The following FAM83F variants were observed in gnomAD, a reference collection of about 807,000 sequenced individuals.
The protein encoded by FAM83F is scaffolding CK1 anchoring protein F.
FAM83F carries 45 observed loss-of-function variants against 42.9 expected under a neutral mutation model. The ratio of observed to expected loss-of-function variants is 1.05; its 90% CI spans 0.83 to 1.35. The LOEUF is 1.35. FAM83F is among the 40% of genes most tolerant of loss of function. FAM83F has a pLI of 0.00. For synonymous variants in FAM83F, 306 were observed against 298.3 expected (o/e 1.03, Z -0.27); for missense variants, 617 against 695.9 (o/e 0.89, Z 1.28).
intron 1 of FAM83F, among the ~76,000 whole-genome samples, chr22:40,001,843 G>A (rs951148788): frequency 1.1e-4 from 17 of 152,178 alleles, no homozygotes; most frequent in African/African-American, 4.1e-4. Context: ...AGAAGTTAGG[G>A]AGCCCCACCC....
In FAM83F at chr22:40,032,601, C is replaced by T. The variant is rs1601775719; in HGVS notation, c.*3036C>T. On this transcript the variant is annotated 3_prime_UTR_variant, in exon 5 of 5. Transcript: ENST00000333407. Reference sequence around the variant, plus strand: ...TTTTTTTTCTGAGACAGAGTCTCACCCTGTTGCCCAGGCTGGAGTGCAGTG... The same window carrying T: ...TTTTTTTTCTGAGACAGAGTCTCACTCTGTTGCCCAGGCTGGAGTGCAGTG... 1 of 151,476 alleles carries T rather than the reference C, an allele frequency of 6.6e-6. No individual in the cohort carries two copies. The highest frequency in any genetic ancestry group is 1.9e-4 in the East Asian group (1 of 5,168). 9.4% of individuals were successfully genotyped at this position (151,476 alleles called of 1,614,324 possible).
rs1601759407 is a variant in FAM83F, at chr22:39,995,474, C to G, written c.432C>G (p.Asp144Glu). The G allele has an allele frequency of 6.3e-7, 1 of 1,577,466 alleles. No individual in the cohort carries two copies. Among genetic ancestry groups the G allele is most frequent in the East Asian group, 2.3e-5 (1 of 42,666 alleles). The stretch of plus-strand genomic sequence containing the variant: ...CGCTCTTCACCCACCCGCCCAAGGA[C>G]GAGAAGGCGCCGCACCTCAAGCAGG... ...RVTLFTHPPK[D>E]EKAPHLKQVV... The change falls in exon 1 of 5, where the codon GAC becomes GAG. Residue 144 changes from aspartate (D) to glutamate (E), a missense_variant. Physicochemically the swap from Asp to Glu is conservative, Grantham distance 45. Transcript: ENST00000333407. This position sits in a 1 kb window ranked among gnomAD's most constrained non-coding sequence, Gnocchi z 4.6.
In FAM83F at chr22:40,030,779, C is replaced by G. The variant is rs2067582500; in HGVS notation, c.*1214C>G. The stretch of plus-strand genomic sequence containing the variant: ...CCTGCCGGCAGGGCGATGGGGGATC[C>G]AAGCCCTGTGGAAGAGCCATGCAGC... On this transcript the variant is annotated 3_prime_UTR_variant, in exon 5 of 5. Coordinates refer to ENST00000333407, the MANE Select transcript of FAM83F (RefSeq NM_138435.4). 1 of 152,352 alleles carries G rather than the reference C, an allele frequency of 6.6e-6. No homozygotes were observed. The highest frequency in any genetic ancestry group is 1.5e-5 in the Non-Finnish European group (1 of 68,150). 9.4% of individuals were successfully genotyped at this position (152,352 alleles called of 1,614,324 possible). A position where few individuals can be genotyped will look rare whatever the true frequency, so the allele number is the denominator to read the frequency against.
At chr22:40,018,869 G>C (rs765161289) in intron 1 of FAM83F, among the ~76,000 whole-genome samples, 2 of 152,174 alleles carry the variant, frequency 1.3e-5, no homozygotes, top group African/African-American at 2.4e-5. Context: ...GATTACAGGT[G>C]TGAGCCACCT....
In FAM83F at chr22:40,041,788, G is replaced by T. The variant is rs1014058847; in HGVS notation, c.*12223G>T. The T allele has an allele frequency of 6.6e-6, 1 of 152,008 alleles. No individual in the cohort carries two copies. Among genetic ancestry groups the T allele is most frequent in the Admixed American group, 6.6e-5 (1 of 15,262 alleles). The allele number at this position is 152,008 out of a possible 1,614,324, so 9.4% of individuals were successfully genotyped here. A position where few individuals can be genotyped will look rare whatever the true frequency, so the allele number is the denominator to read the frequency against. On this transcript the variant is annotated 3_prime_UTR_variant, in exon 5 of 5. Coordinates refer to ENST00000333407, the MANE Select transcript of FAM83F (RefSeq NM_138435.4). The stretch of plus-strand genomic sequence containing the variant: ...TGTCTGGATGTAACAGACTATGGGC[G>T]GCTTTTACTTTATAACTTTCTATAT...
chr22:40,019,425 T>C, intron 2 of FAM83F, 90 bp downstream of exon 2: 1 of 1,247,476 alleles, frequency 8.0e-7, no homozygotes, highest in Non-Finnish European at 1.1e-6. Flanking sequence ...GCCTCTTCCC[T>C]GAATGGGGGC....
intron 1 of FAM83F, among the ~76,000 whole-genome samples, chr22:40,013,288 G>T (rs867586334): frequency 1.6e-4 from 25 of 152,188 alleles, no homozygotes; most frequent in South Asian, 6.2e-4. Context: ...TTTACATGTG[G>T]TGTGAAGTAG....
rs953837760 is a variant in FAM83F, at chr22:40,040,677, A to C, written c.*11112A>C. 1.3e-5 allele frequency: 2 copies of C among 152,218 alleles called. No individual in the cohort carries two copies. The highest frequency in any genetic ancestry group is 2.9e-5 in the Non-Finnish European group (2 of 68,044). The allele number at this position is 152,218 out of a possible 1,614,324, so 9.4% of individuals were successfully genotyped here. A position where few individuals can be genotyped will look rare whatever the true frequency, so the allele number is the denominator to read the frequency against. ...AATGCTTATAAGCATGCCCTCTGTA[A>C]TCAGCCCTCTTTAGAGAGTTTCCCT... On this transcript the variant is annotated 3_prime_UTR_variant, in exon 5 of 5. Coordinates refer to ENST00000333407, the MANE Select transcript of FAM83F (RefSeq NM_138435.4).
chr22:40,005,889 G>T (rs1048555835), intron 1 of FAM83F, among the ~76,000 whole-genome samples: 1 of 152,204 alleles, frequency 6.6e-6, no homozygotes, highest in Non-Finnish European at 1.5e-5. Context: ...CCCAGCGGAC[G>T]AAGCACAGAT....
rs888467080 is a variant in FAM83F at position 40,033,105 on chromosome 22, G to A, written c.*3540G>A. 4.6e-5 allele frequency: 7 copies of A among 151,250 alleles called. No individual in the cohort carries two copies. The highest frequency in any genetic ancestry group is 4.6e-4 in the Admixed American group (7 of 15,198). The allele number at this position is 151,250 out of a possible 1,614,324, so 9.4% of individuals were successfully genotyped here. On this transcript the variant is annotated 3_prime_UTR_variant, in exon 5 of 5. Transcript: ENST00000333407. ...AGTAATTGTTTTGTTTTTTTTTTGA[G>A]ACAATGTCTTGCTCTGTCGATCAGG...
chr22:40,005,228 C>T (rs543864775), intron 1 of FAM83F, among the ~76,000 whole-genome samples: 5 of 152,350 alleles, frequency 3.3e-5, no homozygotes, highest in East Asian at 1.9e-4. Context: ...AGCCCTGCCT[C>T]GCTCTGTCCA....
intron 1 of FAM83F, among the ~76,000 whole-genome samples, chr22:40,005,661 C>A (rs542405543): frequency 6.6e-6 from 1 of 152,196 alleles, no homozygotes; most frequent in South Asian, 2.1e-4. Context: ...TGGATCAGCT[C>A]GACAGGGAGT....
At chr22:40,012,283 T>C (rs2067469303) in intron 1 of FAM83F, among the ~76,000 whole-genome samples, 1 of 151,878 alleles carries the variant, frequency 6.6e-6, no homozygotes, top group South Asian at 2.1e-4. Context: ...TACAGGCATG[T>C]GCCACCACGC....
At chr22:40,022,464 C>A (rs552945601) in intron 4 of FAM83F, among the ~76,000 whole-genome samples, 11 of 152,296 alleles carry the variant, frequency 7.2e-5, no homozygotes, top group African/African-American at 2.6e-4. Flanking sequence ...CCTGGTTAGA[C>A]ACACCCCACC....
intron 3 of FAM83F, among the ~76,000 whole-genome samples, chr22:40,020,357 ATTTTTTTTTT>A (rs552816341): frequency 8.6e-6 from 1 of 116,404 alleles, no homozygotes. Context: ...TGTCGCCAGA[ATTTTTTTTTT>A]TTTTTTTTTT....
chr22:40,012,331 C>T (rs910088290), intron 1 of FAM83F, among the ~76,000 whole-genome samples: 1 of 151,662 alleles, frequency 6.6e-6, no homozygotes, highest in Non-Finnish European at 1.5e-5. Context: ...GATGGGGCTT[C>T]ACCATGTTGG....
chr22:40,033,664 G>C lies in FAM83F; in HGVS notation c.*4099G>C, dbSNP rs1315646763. On this transcript the variant is annotated 3_prime_UTR_variant, in exon 5 of 5. Transcript: ENST00000333407. Reference sequence around the variant, plus strand: ...CAGATGTTACCACATGTCCCCTGGGGGGTAAAAGTGCCCCCGTTGAGAGCA... The same window carrying C: ...CAGATGTTACCACATGTCCCCTGGGCGGTAAAAGTGCCCCCGTTGAGAGCA... 6.6e-6 allele frequency: 1 copy of C among 152,226 alleles called. No individual in the cohort carries two copies. Among genetic ancestry groups the C allele is most frequent in the Non-Finnish European group, 1.5e-5 (1 of 68,080 alleles). 9.4% of individuals were successfully genotyped at this position (152,226 alleles called of 1,614,324 possible).
At chr22:40,007,172 T>G (rs2035973209) in intron 1 of FAM83F, among the ~76,000 whole-genome samples, 1 of 149,196 alleles carries the variant, frequency 6.7e-6, no homozygotes, top group South Asian at 2.1e-4. Flanking sequence ...GGGTGCTCTG[T>G]GGGGGTCTTG....
intron 1 of FAM83F, among the ~76,000 whole-genome samples, chr22:40,005,203 G>A (rs746352555): frequency 5.9e-5 from 9 of 152,156 alleles, no homozygotes; most frequent in Non-Finnish European, 7.4e-5. Context: ...GAAATACCTC[G>A]ACAGATATTT....
Sources: allele counts gnomAD v4.1 joint callset (sites outside exome capture counted in the v4.1 genomes callset), GRCh38; gene constraint gnomAD v4.1.1; non-coding constraint Gnocchi (gnomAD v3.1); transcripts MANE v1.5; gene names NCBI Gene and HGNC (gene_info 2026-07-23, HGNC 2026-07-21).